Variants in ACOT7 observed in about 807,000 individuals in gnomAD.
ACOT7 encodes acyl-CoA thioesterase 7, also known as cytosolic acyl coenzyme A thioester hydrolase.
In ACOT7, 12 loss-of-function variants were observed where a neutral mutation model predicts 40.2. That is an observed-to-expected ratio of 0.30 (90% CI 0.19 to 0.48). ACOT7 has a LOEUF of 0.48. Ranked by LOEUF, ACOT7 falls within the 20% of genes least tolerant of loss-of-function variation. ACOT7 has a pLI of 0.99. For synonymous variants in ACOT7, 228 were observed against 219.5 expected, an observed-to-expected ratio of 1.04 and a Z score of -0.34; for missense variants, 395 against 530.8, an observed-to-expected ratio of 0.74 and a Z score of 2.51.
At chr1:6,308,412 ACAACAGGCAGAAGGAACAG>A (rs906641272) in intron 6 of ACOT7, among the ~76,000 whole-genome samples, 1 of 151,334 alleles carries the variant, frequency 6.6e-6, no homozygotes, top group Non-Finnish European at 1.5e-5. Context: ...AGAGGGAACC[ACAACAGGCAGAAGGAACAG>A]CAACAGGCAG....
intron 2 of ACOT7, among the ~76,000 whole-genome samples, chr1:6,348,552 G>T (rs376410501): frequency 6.6e-6 from 1 of 152,160 alleles, no homozygotes; most frequent in Non-Finnish European, 1.5e-5. Flanking sequence ...TCACAAATGG[G>T]ATTAGTGTCC....
chr1:6,361,694 A>G lies in ACOT7; in HGVS notation c.144-11828T>C, dbSNP rs1641897699. Among the ~76,000 whole-genome samples the G allele has an allele frequency of 1.3e-5, 2 of 152,152 alleles. 1 individual carries two copies. Among genetic ancestry groups the G allele is most frequent in the South Asian group, 4.1e-4 (2 of 4,824 alleles). ...CTCCTGCAATCCCAGCTACCAGGGA[A>G]GGTGAGGCAGGAGAATCACCTGAAC... On this transcript the variant is annotated intron_variant, in intron 1 of 8. Transcript: ENST00000361521.
At chr1:6,337,113 C>T (rs1320924596) in intron 3 of ACOT7, among the ~76,000 whole-genome samples, 1 of 152,254 alleles carries the variant, frequency 6.6e-6, no homozygotes, top group Non-Finnish European at 1.5e-5. Context: ...AAGCCTCACG[C>T]GCACGACAGC....
In ACOT7 at chr1:6,358,414, A is replaced by G. The variant is rs896040204; in HGVS notation, c.144-8548T>C. ...CCAGGAGGCTCCTTGTGCAGCCCACAGACCCCCCCTCCACCGCAGGTAGGA... is the reference window on the plus strand; with the variant it reads ...CCAGGAGGCTCCTTGTGCAGCCCACGGACCCCCCCTCCACCGCAGGTAGGA... On this transcript the variant is annotated intron_variant, in intron 1 of 8. Coordinates refer to ENST00000361521, the MANE Select transcript of ACOT7 (RefSeq NM_007274.4). The surrounding 1 kb of genome is among the most constrained non-coding windows in gnomAD (Gnocchi z 4.1). Among the ~76,000 whole-genome samples the G allele has an allele frequency of 6.6e-6, 1 of 152,166 alleles. No homozygotes were observed. The highest frequency in any genetic ancestry group is 1.5e-5 in the Non-Finnish European group (1 of 68,028).
chr1:6,328,586 G>A (rs577741820), intron 4 of ACOT7, among the ~76,000 whole-genome samples: 5 of 152,300 alleles, frequency 3.3e-5, no homozygotes, highest in South Asian at 2.1e-4. Context: ...GGAGGCTGAG[G>A]CAAGGGAATC....
rs1219741307 is a variant in ACOT7, at chr1:6,352,949, G to A, written c.144-3083C>T. ...GCTGGAGTACAGTGGCATGATCTTG[G>A]CTCACTGCAAACTCCGTCTCCTGGG... is the stretch of plus-strand genomic sequence containing the variant. On this transcript the variant is annotated intron_variant, in intron 1 of 8. Transcript: ENST00000361521. The surrounding 1 kb of genome is among the most constrained non-coding windows in gnomAD (Gnocchi z 4.5). Among the ~76,000 whole-genome samples the A allele has an allele frequency of 6.6e-6, 1 of 152,030 alleles. No individual in the cohort carries two copies. Among genetic ancestry groups the A allele is most frequent in the Non-Finnish European group, 1.5e-5 (1 of 68,014 alleles).
intron 3 of ACOT7, among the ~76,000 whole-genome samples, chr1:6,339,097 G>A (rs527976982): frequency 5.3e-5 from 8 of 152,186 alleles, no homozygotes; most frequent in Admixed American, 3.9e-4. Flanking sequence ...TGGATGGTGC[G>A]TACCGGCCTC....
At chr1:6,326,411 T>C (rs1336724052) in intron 5 of ACOT7, among the ~76,000 whole-genome samples, 1 of 152,098 alleles carries the variant, frequency 6.6e-6, no homozygotes, top group African/African-American at 2.4e-5. Context: ...AGATTTTGAG[T>C]GAACATTTTG....
chr1:6,280,398 G>A (rs764681814), intron 8 of ACOT7, among the ~76,000 whole-genome samples: 6 of 152,246 alleles, frequency 3.9e-5, no homozygotes, highest in Non-Finnish European at 5.9e-5. Context: ...GAACCCTGTC[G>A]ATGTCTGTGA....
intron 1 of ACOT7, among the ~76,000 whole-genome samples, chr1:6,357,870 CT>C (rs148990897): frequency 2.1e-3 from 304 of 143,462 alleles, no homozygotes; most frequent in Middle Eastern, 3.6e-3. Context: ...TGCTTCTCCT[CT>C]TTTTTTTTTT....
chr1:6,281,023 T>A, intron 8 of ACOT7, 79 bp downstream of exon 8: 3 of 1,529,992 alleles, frequency 2.0e-6, no homozygotes, highest in Non-Finnish European at 2.6e-6. Flanking sequence ...CAGGCACAGA[T>A]TCCCCCTGGA....
chr1:6,346,862 T>G (rs1013332280), intron 2 of ACOT7, among the ~76,000 whole-genome samples: 1 of 151,890 alleles, frequency 6.6e-6, no homozygotes. Flanking sequence ...CCTCATGAGT[T>G]TGGGAGGGAG....
At chr1:6,298,222 C>A (rs1639866708) in intron 6 of ACOT7, among the ~76,000 whole-genome samples, 1 of 152,110 alleles carries the variant, frequency 6.6e-6, no homozygotes, top group African/African-American at 2.4e-5. Context: ...GCAACCTCTG[C>A]CTCCCGGGTT....
intron 1 of ACOT7, among the ~76,000 whole-genome samples, chr1:6,384,714 A>G (rs1016145190): frequency 6.6e-6 from 1 of 151,714 alleles, no homozygotes; most frequent in Admixed American, 6.6e-5. Flanking sequence ...CTGAAGCTAT[A>G]TCTAGGGCCC....
At position 6,387,097 on chromosome 1, in the gene ACOT7, G is replaced by C. The variant is rs1483370517; in HGVS notation, c.143+6160C>G. Among the ~76,000 whole-genome samples, 6 of 152,218 alleles carry C rather than the reference G, an allele frequency of 3.9e-5. No individual in the cohort carries two copies. The East Asian group carries it at 1.2e-3, about 29-fold the overall frequency. On this transcript the variant is annotated intron_variant, in intron 1 of 8. Transcript: ENST00000361521. ...ACACAGGAGCGAGGCCCAGCACTGAGCTCGATCCGGTTCCATCGACACGAA... is the reference window on the plus strand; with the variant it reads ...ACACAGGAGCGAGGCCCAGCACTGACCTCGATCCGGTTCCATCGACACGAA...
chr1:6,372,591 C>T (rs905630539), intron 1 of ACOT7, among the ~76,000 whole-genome samples: 3 of 146,918 alleles, frequency 2.0e-5, no homozygotes, highest in Non-Finnish European at 3.0e-5. Context: ...CGCTCTGTCG[C>T]CCAGGTTGGA....
chr1:6,393,522 C>G lies in ACOT7; in HGVS notation c.-123G>C. 4.4e-6 allele frequency: 4 copies of G among 916,880 alleles called. No individual in the cohort carries two copies. Among genetic ancestry groups the G allele is most frequent in the Non-Finnish European group, 5.6e-6 (4 of 710,544 alleles). 56.8% of individuals were successfully genotyped at this position (916,880 alleles called of 1,614,324 possible). A position where few individuals can be genotyped will look rare whatever the true frequency, so the allele number is the denominator to read the frequency against. Reference sequence around the variant, plus strand: ...GCGCCGGCCCCACCCCGAGCCCCGCCTCCCAGGCCGCCAAGGCTGCAGAGA... The same window carrying G: ...GCGCCGGCCCCACCCCGAGCCCCGCGTCCCAGGCCGCCAAGGCTGCAGAGA... On this transcript the variant is annotated 5_prime_UTR_variant, in exon 1 of 9. Transcript: ENST00000361521.
rs1445130431 is a variant in ACOT7 at position 6,274,442 on chromosome 1, C to CA, written c.1014+6659dup. 6.6e-6 allele frequency among the ~76,000 whole-genome samples: 1 copy of CA among 152,230 alleles called. No individual in the cohort carries two copies. The highest frequency in any genetic ancestry group is 2.4e-5 in the African/African-American group (1 of 41,458). On this transcript the variant is annotated intron_variant, in intron 8 of 8. Coordinates refer to ENST00000361521, the MANE Select transcript of ACOT7 (RefSeq NM_007274.4). This position sits in a 1 kb window ranked among gnomAD's most constrained non-coding sequence, Gnocchi z 5.9. ...CCGCCCCTCCAGCTGAACAGCAGGT[C>CA]AAACAGTGCCCTCCTTCCGGACGCT...
At chr1:6,287,802 T>C (rs928123150) in intron 7 of ACOT7, among the ~76,000 whole-genome samples, 3 of 152,192 alleles carry the variant, frequency 2.0e-5, no homozygotes, top group African/African-American at 7.2e-5. Context: ...TAGGAAAAGC[T>C]CAGCATTTAT....
Sources: allele counts gnomAD v4.1 joint callset (sites outside exome capture counted in the v4.1 genomes callset), GRCh38; gene constraint gnomAD v4.1.1; non-coding constraint Gnocchi (gnomAD v3.1); transcripts MANE v1.5; gene names NCBI Gene and HGNC (gene_info 2026-07-23, HGNC 2026-07-21).